CFDP1: variants seen among roughly 807,000 people sequenced by gnomAD.
CFDP1 encodes the protein chromatin remodeling protein CFDP1.
CFDP1 carries 31 observed loss-of-function variants against 40.1 expected under a neutral mutation model. That is an observed-to-expected ratio of 0.77 (90% CI 0.58 to 1.04). The LOEUF is 1.04. CFDP1 is among the 50% of genes least tolerant of loss of function. CFDP1 has a pLI of 0.00. For missense variants in CFDP1, 423 were observed against 343.4 expected, an observed-to-expected ratio of 1.23 and a Z score of -1.83; for synonymous variants, 167 against 120.0, an observed-to-expected ratio of 1.39 and a Z score of -2.56.
chr16:75,344,437 T>C (rs2078548061), intron 5 of CFDP1, among the ~76,000 whole-genome samples: 1 of 152,140 alleles, frequency 6.6e-6, no homozygotes, highest in Non-Finnish European at 1.5e-5. Flanking sequence ...ACTTATGCCA[T>C]TAGAAAAGTA....
At chr16:75,375,950 T>C (rs1383369331) in intron 5 of CFDP1, among the ~76,000 whole-genome samples, 6 of 152,198 alleles carry the variant, frequency 3.9e-5, no homozygotes, top group Admixed American at 3.9e-4. Context: ...TTGTGGCTCA[T>C]GCCTATAATC....
intron 5 of CFDP1, among the ~76,000 whole-genome samples, chr16:75,387,636 G>A (rs909375605): frequency 6.6e-6 from 1 of 152,142 alleles, no homozygotes; most frequent in Non-Finnish European, 1.5e-5. Flanking sequence ...GACACAAGCT[G>A]GGCAATGATA....
intron 4 of CFDP1, among the ~76,000 whole-genome samples, chr16:75,398,620 A>G (rs2079019029): frequency 6.6e-6 from 1 of 152,204 alleles, no homozygotes; most frequent in South Asian, 2.1e-4. Context: ...CCAAGTTACC[A>G]CAAAAGAAGT....
chr16:75,319,041 A>G (rs2078344840), intron 5 of CFDP1, among the ~76,000 whole-genome samples: 1 of 151,942 alleles, frequency 6.6e-6, no homozygotes, highest in African/African-American at 2.4e-5. Context: ...CTCAATACCA[A>G]ACTTACTTTA....
intron 5 of CFDP1, chr16:75,324,528 G>C (rs1265838792): frequency 6.6e-6 from 1 of 152,086 alleles, no homozygotes; most frequent in Non-Finnish European, 1.5e-5. Flanking sequence ...GGTCACCTGA[G>C]GTCAGGAGTT....
intron 4 of CFDP1, among the ~76,000 whole-genome samples, chr16:75,400,236 C>G (rs2079039051): frequency 6.6e-6 from 1 of 151,706 alleles, no homozygotes; most frequent in African/African-American, 2.4e-5. Context: ...GAGCTATTAT[C>G]GTGGAACTAT....
In CFDP1 at chr16:75,293,739, CTTTTA is replaced by C. The variant is rs2078161974; in HGVS notation, c.*208_*212del. ...CTTCATTATCCTCTCACAGGACCAACTTTTATTTTATTTATTCATTTAAGGACAAA... is the reference window on the plus strand; with the variant it reads ...CTTCATTATCCTCTCACAGGACCAACTTTTATTTATTCATTTAAGGACAAA... On this transcript the variant is annotated 3_prime_UTR_variant, in exon 7 of 7. Coordinates refer to ENST00000283882, the MANE Select transcript of CFDP1 (RefSeq NM_006324.3). 2 of 542,984 alleles carry C rather than the reference CTTTTA, an allele frequency of 3.7e-6. No individual in the cohort carries two copies. Among genetic ancestry groups the C allele is most frequent in the Non-Finnish European group, 6.5e-6 (2 of 305,848 alleles). 33.6% of individuals were successfully genotyped at this position (542,984 alleles called of 1,614,324 possible). A position where few individuals can be genotyped will look rare whatever the true frequency, so the allele number is the denominator to read the frequency against.
intron 5 of CFDP1, among the ~76,000 whole-genome samples, chr16:75,377,035 G>A (rs957914007): frequency 2.0e-5 from 3 of 152,206 alleles, no homozygotes; most frequent in African/African-American, 7.2e-5. Flanking sequence ...TAACACTGCC[G>A]CTTCAATAAA....
In CFDP1 at chr16:75,410,548, C is replaced by T. The variant is rs548033478; in HGVS notation, c.530+1277G>A. On this transcript the variant is annotated intron_variant, in intron 4 of 6. Coordinates refer to ENST00000283882, the MANE Select transcript of CFDP1 (RefSeq NM_006324.3). ...CAGCACTTTGTGAGGCCAAGGCAGGCGGATCACGAGGTCAGGAGTTCAAGA... is the reference window on the plus strand; with the variant it reads ...CAGCACTTTGTGAGGCCAAGGCAGGTGGATCACGAGGTCAGGAGTTCAAGA... Among the ~76,000 whole-genome samples, 30 of 151,846 alleles carry T rather than the reference C, an allele frequency of 2.0e-4. 1 individual carries two copies. In the South Asian group the frequency reaches 4.4e-3, roughly 22 times the overall value.
intron 5 of CFDP1, among the ~76,000 whole-genome samples, chr16:75,365,815 C>T (rs1597357057): frequency 6.6e-6 from 1 of 152,176 alleles, no homozygotes; most frequent in East Asian, 1.9e-4. Flanking sequence ...CATCATTAGG[C>T]ATTAAAGGAA....
chr16:75,421,598 T>G (rs989125710), intron 1 of CFDP1, among the ~76,000 whole-genome samples: 1 of 151,974 alleles, frequency 6.6e-6, no homozygotes, highest in Non-Finnish European at 1.5e-5. Flanking sequence ...CAACTAAGAA[T>G]CAGTATAAAT....
chr16:75,369,060 T>C (rs2078734803), intron 5 of CFDP1, among the ~76,000 whole-genome samples: 3 of 152,136 alleles, frequency 2.0e-5, no homozygotes, highest in Non-Finnish European at 4.4e-5. Context: ...AATCAGCTAA[T>C]GTATCAAATT....
chr16:75,303,036 C>G (rs550849598), intron 6 of CFDP1, among the ~76,000 whole-genome samples: 144 of 152,190 alleles, frequency 9.5e-4, no homozygotes, highest in African/African-American at 3.2e-3. Flanking sequence ...CCCGTCTCTA[C>G]TAAAAATACA....
intron 1 of CFDP1, among the ~76,000 whole-genome samples, chr16:75,431,447 C>CT (rs1335266423): frequency 1.4e-5 from 1 of 72,942 alleles, no homozygotes; most frequent in Admixed American, 2.3e-4. Context: ...GAGCAAAACT[C>CT]TTGTCTCAAA....
intron 5 of CFDP1, among the ~76,000 whole-genome samples, chr16:75,378,645 G>A (rs955123009): frequency 1.3e-5 from 2 of 152,170 alleles, no homozygotes; most frequent in African/African-American, 4.8e-5. Context: ...AACTGACGAT[G>A]AGGGAGTATG....
rs1488612429 is a variant in CFDP1 at position 75,293,713 on chromosome 16, T to A, written c.*239A>T. On this transcript the variant is annotated 3_prime_UTR_variant, in exon 7 of 7. Coordinates refer to ENST00000283882, the MANE Select transcript of CFDP1 (RefSeq NM_006324.3). ...AAAGGGAAGGTGAGCGAGGTCGTCA[T>A]CTTCATTATCCTCTCACAGGACCAA... 8 of 481,694 alleles carry A rather than the reference T, an allele frequency of 1.7e-5. No individual in the cohort carries two copies. Among genetic ancestry groups the A allele is most frequent in the African/African-American group, 3.9e-5 (2 of 50,766 alleles). The allele number at this position is 481,694 out of a possible 1,614,324, so 29.8% of individuals were successfully genotyped here.
At chr16:75,341,525 CAG>C (rs1401779977) in intron 5 of CFDP1, among the ~76,000 whole-genome samples, 2 of 152,072 alleles carry the variant, frequency 1.3e-5, no homozygotes, top group African/African-American at 4.8e-5. Flanking sequence ...GCTAGATTAG[CAG>C]AGAGTTTAAA....
At chr16:75,305,661 G>C (rs758337299) in intron 5 of CFDP1, among the ~76,000 whole-genome samples, 1 of 152,150 alleles carries the variant, frequency 6.6e-6, no homozygotes, top group African/African-American at 2.4e-5. Flanking sequence ...TTGGCACAGC[G>C]TCAAGGTGCA....
intron 4 of CFDP1, among the ~76,000 whole-genome samples, chr16:75,411,554 G>A (rs1490037311): frequency 2.0e-5 from 3 of 152,182 alleles, no homozygotes; most frequent in Non-Finnish European, 2.9e-5. Context: ...ACAAAACATG[G>A]CAATGATCAA....
Sources: allele counts gnomAD v4.1 joint callset (sites outside exome capture counted in the v4.1 genomes callset), GRCh38; gene constraint gnomAD v4.1.1; transcripts MANE v1.5; gene names NCBI Gene and HGNC (gene_info 2026-07-23, HGNC 2026-07-21).